Variants in DOT1L observed in about 807,000 individuals in gnomAD.
DOT1L encodes histone-lysine N-methyltransferase, H3 lysine-79 specific.
In DOT1L, 33 loss-of-function variants were observed where a neutral mutation model predicts 153.3. That is an observed-to-expected ratio of 0.22 (90% CI 0.16 to 0.29). The LOEUF (loss-of-function observed/expected upper bound fraction) is 0.29, where lower values mean the gene tolerates loss of function less well. DOT1L is among the 10% of genes least tolerant of loss of function. The probability of loss-of-function intolerance (pLI) is 1.00; values close to 1 mark genes in which losing one functional copy is unlikely to be tolerated. For synonymous variants in DOT1L, 1,135 were observed against 965.1 expected (o/e 1.18, Z -3.26); for missense variants, 1,847 against 2,119.9 (o/e 0.87, Z 2.53).
rs947217753 is a variant in DOT1L at position 2,191,500 on chromosome 19, C to T, written c.493+260C>T. On this transcript the variant is annotated intron_variant, in intron 5 of 27. Coordinates refer to ENST00000398665, the MANE Select transcript of DOT1L (RefSeq NM_032482.3). This position sits in a 1 kb window ranked among gnomAD's most constrained non-coding sequence, Gnocchi z 6.8. ...TCCTCCCAGGTGCCCGGAGACTCTGCTTTCGTCCTGCTTCCCACCAGCTGG... is the reference window on the plus strand; with the variant it reads ...TCCTCCCAGGTGCCCGGAGACTCTGTTTTCGTCCTGCTTCCCACCAGCTGG... Among the ~76,000 whole-genome samples the T allele has an allele frequency of 3.9e-5, 6 of 152,124 alleles. No homozygotes were observed. Among genetic ancestry groups the T allele is most frequent in the Admixed American group, 6.5e-5 (1 of 15,286 alleles).
In DOT1L at chr19:2,193,639, G is replaced by C; in HGVS notation, c.494-50G>C. 1.3e-6 allele frequency: 2 copies of C among 1,582,610 alleles called. No individual in the cohort carries two copies. Among genetic ancestry groups the C allele is most frequent in the Non-Finnish European group, 1.7e-6 (2 of 1,154,288 alleles). Reference sequence around the variant, plus strand: ...GTCTCCGAGCCTAGCACGGCCTCCCGGGTGGCATCTGAGCGCTGTGTGGTA... The same window carrying C: ...GTCTCCGAGCCTAGCACGGCCTCCCCGGTGGCATCTGAGCGCTGTGTGGTA... On this transcript the variant is annotated intron_variant, in intron 5 of 27. Coordinates refer to ENST00000398665, the MANE Select transcript of DOT1L (RefSeq NM_032482.3). This position sits in a 1 kb window ranked among gnomAD's most constrained non-coding sequence, Gnocchi z 5.9.
chr19:2,220,069 C>A lies in DOT1L; in HGVS notation c.2692-39C>A, dbSNP rs775665639. The A allele has an allele frequency of 6.4e-7, 1 of 1,555,314 alleles. No individual in the cohort carries two copies. Among genetic ancestry groups the A allele is most frequent in the Non-Finnish European group, 8.8e-7 (1 of 1,142,834 alleles). On this transcript the variant is annotated intron_variant, in intron 22 of 27. Coordinates refer to ENST00000398665, the MANE Select transcript of DOT1L (RefSeq NM_032482.3). The surrounding 1 kb of genome is among the most constrained non-coding windows in gnomAD (Gnocchi z 4.5). ...CAGCTGGGTTCTGGGTCTCCTGGGG[C>A]ACCTGCTGCCCCTGACACACAGGGT...
At chr19:2,167,058 T>C (rs1243524194) in intron 1 of DOT1L, among the ~76,000 whole-genome samples, 2 of 152,194 alleles carry the variant, frequency 1.3e-5, no homozygotes, top group Admixed American at 6.5e-5. Flanking sequence ...TGTAAATCCA[T>C]TGGACAGTTG....
intron 1 of DOT1L, among the ~76,000 whole-genome samples, chr19:2,173,136 C>T (rs775557696): frequency 2.3e-4 from 35 of 152,164 alleles, no homozygotes; most frequent in Non-Finnish European, 4.1e-4. Flanking sequence ...TCTCCCCTAG[C>T]GTCCTGGAGC....
intron 5 of DOT1L, among the ~76,000 whole-genome samples, chr19:2,192,670 C>G (rs1354986472): frequency 9.1e-6 from 1 of 109,660 alleles, no homozygotes; most frequent in Non-Finnish European, 1.9e-5. Context: ...GAGACTCCGT[C>G]TCAAAAAAAA....
intron 27 of DOT1L, 62 bp from the exon 28 acceptor site, chr19:2,229,723 G>C: frequency 1.2e-6 from 2 of 1,611,166 alleles, no homozygotes; most frequent in Non-Finnish European, 1.7e-6. Flanking sequence ...CTGGGTGAGT[G>C]TTGGGCTCCC....
rs1195088679 is a variant in DOT1L at position 2,217,633 on chromosome 19, C to T, written c.2545-139C>T. ...GCCGGTGTCCAGGAGGGCCTGACTG[C>T]GTGGGGAAGGTTGCAGGGCCTTGGC... On this transcript the variant is annotated intron_variant, in intron 21 of 27. Transcript: ENST00000398665. The surrounding 1 kb of genome is among the most constrained non-coding windows in gnomAD (Gnocchi z 7.3). 1.2e-5 allele frequency: 15 copies of T among 1,257,722 alleles called. No homozygotes were observed. The highest frequency in any genetic ancestry group is 2.5e-4 in the Middle Eastern group (1 of 4,074). 77.9% of individuals were successfully genotyped at this position (1,257,722 alleles called of 1,614,324 possible).
chr19:2,226,966 A>G lies in DOT1L; in HGVS notation c.4445A>G (p.Gln1482Arg). Residue 1482 changes from glutamine to arginine, a missense_variant, in exon 27 of 28, where the codon CAG (glutamine) becomes CGG (arginine). Coordinates refer to ENST00000398665, the MANE Select transcript of DOT1L (RefSeq NM_032482.3). ...TTCGCGCTCGGCCCCATGTCCCTGC[A>G]GGCCAACCTCGGCTCCGTGGCCGGC... ...PQFALGPMSL[Q>R]ANLGSVAGSS... 6.3e-7 allele frequency: 1 copy of G among 1,590,910 alleles called. No homozygotes were observed. Among genetic ancestry groups the G allele is most frequent in the East Asian group, 2.3e-5 (1 of 44,042 alleles).
At chr19:2,168,835 C>T (rs7249577) in intron 1 of DOT1L, among the ~76,000 whole-genome samples, 21,372 of 152,072 alleles carry the variant, frequency 0.14, 1,619 homozygotes, top group East Asian at 0.24. Context: ...AGGCTGGTCT[C>T]GAACTCCTGA....
intron 27 of DOT1L, chr19:2,229,581 C>G (rs2024510764): frequency 1.0e-6 from 1 of 985,338 alleles, no homozygotes; most frequent in Non-Finnish European, 1.2e-6. Context: ...GCCGGCGTGT[C>G]CAGGTGTCAG....
chr19:2,227,429 CCG>C, intron 27 of DOT1L: 1 of 625,398 alleles, frequency 1.6e-6, no homozygotes, highest in South Asian at 1.5e-5. Context: ...CTAGGTGTGG[CCG>C]CCCGGGCTCT....
At chr19:2,198,360 C>G (rs557871152) in intron 7 of DOT1L, among the ~76,000 whole-genome samples, 1 of 152,182 alleles carries the variant, frequency 6.6e-6, no homozygotes, top group African/African-American at 2.4e-5. Flanking sequence ...CCTCCCATCC[C>G]GTCTCCTCCC....
chr19:2,202,635 T>C lies in DOT1L; in HGVS notation c.708-65T>C, dbSNP rs938093336. The C allele has an allele frequency of 2.0e-6, 3 of 1,525,806 alleles. No individual in the cohort carries two copies. In the African/African-American group the frequency reaches 4.1e-5, roughly 21 times the overall value. 94.5% of individuals were successfully genotyped at this position (1,525,806 alleles called of 1,614,324 possible). A position where few individuals can be genotyped will look rare whatever the true frequency, so the allele number is the denominator to read the frequency against. On this transcript the variant is annotated intron_variant, in intron 8 of 27. Coordinates refer to ENST00000398665, the MANE Select transcript of DOT1L (RefSeq NM_032482.3). ...AGCACCGACAGCAGCGGTTGTTGGC[T>C]GCGCCGGGTGGCTGTGCCCGTGAGA...
intron 27 of DOT1L, chr19:2,227,518 C>T: frequency 1.9e-6 from 1 of 532,298 alleles, no homozygotes; most frequent in South Asian, 1.6e-5. Flanking sequence ...AGAGGAGCCG[C>T]CGGGGGGAGC....
intron 1 of DOT1L, among the ~76,000 whole-genome samples, chr19:2,167,477 A>C (rs929427501): frequency 2.0e-4 from 31 of 152,192 alleles, no homozygotes; most frequent in African/African-American, 7.5e-4. Context: ...CGGGCTTTCT[A>C]GTGGTGGGCG....
rs763903892 is a variant in DOT1L at position 2,222,599 on chromosome 19, TGAAA to T, written c.3390+47_3390+50del. 1.3e-5 allele frequency: 20 copies of T among 1,494,024 alleles called. No homozygotes were observed. The highest frequency in any genetic ancestry group is 7.9e-5 in the South Asian group (6 of 76,424). 92.5% of individuals were successfully genotyped at this position (1,494,024 alleles called of 1,614,324 possible). On this transcript the variant is annotated intron_variant, in intron 24 of 27. Transcript: ENST00000398665. This position sits in a 1 kb window ranked among gnomAD's most constrained non-coding sequence, Gnocchi z 6.5. ...CGGCAGGGCTGGGGAGCGCGGCCTG[TGAAA>T]GAAAGACCAGAGGGAGACCGGGCGC...
In DOT1L at chr19:2,228,765, C is replaced by T. The variant is rs994434123; in HGVS notation, c.4607-1020C>T. ...CGCACCAGGCCCAGGTCACTCATGA[C>T]GGGTGGCGTGGCTTGGTGCTGTTCC... On this transcript the variant is annotated intron_variant, in intron 27 of 27. Transcript: ENST00000398665. 2.5e-5 allele frequency: 25 copies of T among 985,288 alleles called. No homozygotes were observed. In the East Asian group the frequency reaches 5.7e-4, roughly 22 times the overall value. The allele number at this position is 985,288 out of a possible 1,614,324, so 61.0% of individuals were successfully genotyped here. A position where few individuals can be genotyped will look rare whatever the true frequency, so the allele number is the denominator to read the frequency against.
chr19:2,192,442 C>T (rs905114251), intron 5 of DOT1L, among the ~76,000 whole-genome samples: 41 of 151,922 alleles, frequency 2.7e-4, no homozygotes, highest in African/African-American at 6.5e-4. Context: ...CCAAAGCAGG[C>T]GGATCTGAGC....
chr19:2,216,216 G>A, intron 19 of DOT1L, 65 bp from the exon 20 acceptor site: 8 of 1,503,578 alleles, frequency 5.3e-6, no homozygotes, highest in Non-Finnish European at 7.1e-6. Flanking sequence ...TCCATCTGTG[G>A]CAGTCTTGGT....
Sources: gnomAD v4.1 joint callset for allele counts (sites outside exome capture counted in the v4.1 genomes callset) on GRCh38, gnomAD v4.1.1 for gene constraint, Gnocchi (gnomAD v3.1) non-coding constraint, MANE v1.5 for transcripts, NCBI Gene and HGNC (gene_info 2026-07-23, HGNC 2026-07-21) for gene names.